Variants in L3MBTL4 observed in about 807,000 individuals in gnomAD.
The protein encoded by L3MBTL4 is lethal(3)malignant brain tumor-like protein 4.
A neutral mutation model predicts 84.5 loss-of-function variants in L3MBTL4; 70 were observed. That is an observed-to-expected ratio of 0.83 (90% CI 0.68 to 1.01). L3MBTL4 has a LOEUF of 1.01. L3MBTL4 is among the 50% of genes least tolerant of loss of function. The pLI is 0.00. For missense variants in L3MBTL4, 715 were observed against 754.8 expected, an observed-to-expected ratio of 0.95 and a Z score of 0.62; for synonymous variants, 274 against 259.8, an observed-to-expected ratio of 1.05 and a Z score of -0.52.
chr18:5,985,486 T>C (rs1233485205), intron 16 of L3MBTL4, among the ~76,000 whole-genome samples: 2 of 152,010 alleles, frequency 1.3e-5, no homozygotes, highest in East Asian at 3.9e-4. Context: ...GGATTTTAAG[T>C]AAGGAAAAGG....
intron 1 of L3MBTL4, among the ~76,000 whole-genome samples, chr18:6,360,282 G>T (rs1027436565): frequency 6.6e-6 from 1 of 152,150 alleles, no homozygotes; most frequent in Non-Finnish European, 1.5e-5. Context: ...GACACGGGGG[G>T]ATCCCTTAAG....
chr18:6,364,439 T>C (rs2053844707), intron 1 of L3MBTL4, among the ~76,000 whole-genome samples: 1 of 152,082 alleles, frequency 6.6e-6, no homozygotes, highest in Admixed American at 6.5e-5. Flanking sequence ...AACAGGATCC[T>C]GAGACCAAAA....
chr18:6,152,071 TA>T (rs1448050661), intron 13 of L3MBTL4, among the ~76,000 whole-genome samples: 8 of 152,250 alleles, frequency 5.3e-5, no homozygotes, highest in Non-Finnish European at 1.0e-4. Flanking sequence ...TCTTTCTTTT[TA>T]TGGATGAAAA....
intron 14 of L3MBTL4, among the ~76,000 whole-genome samples, chr18:6,107,914 A>G (rs964601043): frequency 7.9e-5 from 12 of 151,962 alleles, no homozygotes; most frequent in African/African-American, 2.9e-4. Context: ...CCACTTGTTT[A>G]CTTTGTACCT....
At chr18:6,412,035 G>T (rs2055987536) in intron 1 of L3MBTL4, among the ~76,000 whole-genome samples, 1 of 152,086 alleles carries the variant, frequency 6.6e-6, no homozygotes, top group South Asian at 2.1e-4. Context: ...GTGCAGGTTG[G>T]TTACATAGGT....
rs1174073860 is a variant in L3MBTL4, at chr18:6,219,768, A to C, written c.785-3933T>G. Among the ~76,000 whole-genome samples, 4 of 152,202 alleles carry C rather than the reference A, an allele frequency of 2.6e-5. No homozygotes were observed. In the East Asian group the frequency reaches 7.8e-4, roughly 30 times the overall value. ...AGAACAGCCTGAACGCTCAGGAAGA[A>C]GGGGATTTTCCAAACAGCTGAGAAC... On this transcript the variant is annotated intron_variant, in intron 10 of 18. Coordinates refer to ENST00000317931, the MANE Select transcript of L3MBTL4 (RefSeq NM_001330559.2).
intron 16 of L3MBTL4, among the ~76,000 whole-genome samples, chr18:6,053,389 G>A (rs906723870): frequency 6.6e-6 from 1 of 152,140 alleles, no homozygotes; most frequent in African/African-American, 2.4e-5. Flanking sequence ...CCAAAATGGA[G>A]TCACTTATGT....
In L3MBTL4 at chr18:5,956,900, T is replaced by C. The variant is rs1222962346; in HGVS notation, c.1678-513A>G. 1.0e-4 allele frequency among the ~76,000 whole-genome samples: 13 copies of C among 129,268 alleles called. 1 individual carries two copies. Among genetic ancestry groups the C allele is most frequent in the Admixed American group, 9.8e-4 (13 of 13,324 alleles). The allele number at this position is 129,268 out of a possible 152,430, so 84.8% of individuals were successfully genotyped here. A position where few individuals can be genotyped will look rare whatever the true frequency, so the allele number is the denominator to read the frequency against. On this transcript the variant is annotated intron_variant, in intron 18 of 18. Transcript: ENST00000317931. Reference sequence around the variant, plus strand: ...AAATCAACTCTCTTGAAACATTTAATGATTTAGGAATTTTTTTTTTATAGA... The same window carrying C: ...AAATCAACTCTCTTGAAACATTTAACGATTTAGGAATTTTTTTTTTATAGA...
At chr18:6,340,484 G>C (rs1352079389) in intron 1 of L3MBTL4, among the ~76,000 whole-genome samples, 1 of 152,154 alleles carries the variant, frequency 6.6e-6, no homozygotes, top group East Asian at 1.9e-4. Flanking sequence ...CAGCCTTGTG[G>C]CATGCTGTCT....
intron 1 of L3MBTL4, among the ~76,000 whole-genome samples, chr18:6,327,747 G>A (rs1438575371): frequency 6.6e-6 from 1 of 152,188 alleles, no homozygotes; most frequent in Admixed American, 6.5e-5. Context: ...AATCTGGACA[G>A]CCAGCGTAGA....
chr18:6,100,118 C>G (rs567705863), intron 14 of L3MBTL4, among the ~76,000 whole-genome samples: 2 of 152,122 alleles, frequency 1.3e-5, no homozygotes, highest in Non-Finnish European at 2.9e-5. Flanking sequence ...TTGGGCAAGT[C>G]ATTCAACTCC....
intron 1 of L3MBTL4, among the ~76,000 whole-genome samples, chr18:6,327,517 T>G (rs1265257539): frequency 6.6e-6 from 1 of 152,188 alleles, no homozygotes; most frequent in African/African-American, 2.4e-5. Context: ...GGATGATACA[T>G]GCCATATATC....
At chr18:6,188,763 C>T (rs950795732) in intron 12 of L3MBTL4, among the ~76,000 whole-genome samples, 5 of 152,210 alleles carry the variant, frequency 3.3e-5, no homozygotes, top group Non-Finnish European at 7.3e-5. Flanking sequence ...TCATTGAGTG[C>T]TTACCAGCAC....
rs1323337593 is a variant in L3MBTL4, at chr18:6,006,012, T to A, written c.1445-36450A>T. ...ATATTGTGTATATTTTACCATAATTTAAAAAAAAAAACAGAAGACACTGAA... is the reference window on the plus strand; with the variant it reads ...ATATTGTGTATATTTTACCATAATTAAAAAAAAAAAACAGAAGACACTGAA... On this transcript the variant is annotated intron_variant, in intron 16 of 18. Coordinates refer to ENST00000317931, the MANE Select transcript of L3MBTL4 (RefSeq NM_001330559.2). 1.9e-4 allele frequency among the ~76,000 whole-genome samples: 28 copies of A among 148,940 alleles called. No homozygotes were observed. The South Asian group carries it at 2.8e-3, about 15-fold the overall frequency.
At chr18:6,355,260 G>T (rs1364383346) in intron 1 of L3MBTL4, among the ~76,000 whole-genome samples, 1 of 152,166 alleles carries the variant, frequency 6.6e-6, no homozygotes, top group Non-Finnish European at 1.5e-5. Flanking sequence ...TGATTATTAT[G>T]CATTGCATGC....
At chr18:6,317,213 G>C (rs552096767) in intron 1 of L3MBTL4, among the ~76,000 whole-genome samples, 4 of 151,978 alleles carry the variant, frequency 2.6e-5, no homozygotes, top group African/African-American at 9.7e-5. Context: ...AAAGCACTAA[G>C]AGCCAAATTA....
At chr18:6,024,231 G>A (rs900153463) in intron 16 of L3MBTL4, among the ~76,000 whole-genome samples, 7 of 152,094 alleles carry the variant, frequency 4.6e-5, no homozygotes, top group African/African-American at 1.4e-4. Flanking sequence ...CCTCACTTAC[G>A]CATTTTGAAG....
intron 1 of L3MBTL4, among the ~76,000 whole-genome samples, chr18:6,377,896 A>G (rs988090366): frequency 6.6e-6 from 1 of 151,890 alleles, no homozygotes; most frequent in East Asian, 1.9e-4. Context: ...AGGAATTGCC[A>G]TGTCTTCCAC....
At chr18:6,145,863 T>C (rs1030255081) in intron 13 of L3MBTL4, among the ~76,000 whole-genome samples, 27 of 152,312 alleles carry the variant, frequency 1.8e-4, no homozygotes, top group Non-Finnish European at 3.4e-4. Context: ...GCTTACCTTC[T>C]GGTGCCAAAG....
Sources: gnomAD v4.1 joint callset for allele counts (sites outside exome capture counted in the v4.1 genomes callset) on GRCh38, gnomAD v4.1.1 for gene constraint, MANE v1.5 for transcripts, NCBI Gene and HGNC (gene_info 2026-07-23, HGNC 2026-07-21) for gene names.